ARRDC1: variants seen among roughly 807,000 people sequenced by gnomAD.
ARRDC1 encodes the protein arrestin domain-containing protein 1.
A neutral mutation model predicts 40.1 loss-of-function variants in ARRDC1; 37 were observed. The observed-to-expected ratio is 0.92, with a 90% CI of 0.71 to 1.21. The LOEUF (loss-of-function observed/expected upper bound fraction) is 1.21. Among genes scored for constraint, ARRDC1 ranks in the 50% most tolerant of loss-of-function variants. ARRDC1 has a pLI of 0.00. For synonymous variants in ARRDC1, 310 were observed against 262.5 expected, an observed-to-expected ratio of 1.18 and a Z score of -1.75; for missense variants, 641 against 581.9, an observed-to-expected ratio of 1.10 and a Z score of -1.04.
Position 137,614,630 on chromosome 9 carries a change from C to T in ARRDC1, c.867C>T (p.Ala289=). 1 of 1,612,874 alleles carries T rather than the reference C, an allele frequency of 6.2e-7. No individual in the cohort carries two copies. The highest frequency in any genetic ancestry group is 8.5e-7 in the Non-Finnish European group (1 of 1,179,866). The change falls in exon 7 of 8, where the codon GCC becomes GCT. Residue 289 remains alanine (A), a synonymous_variant. Transcript: ENST00000371421. ...TTGGCAATATTGCTGTGAACCATGC[C>T]CCAGTGAGCCCCCGGCCAGGCCTGG... ...VFIGNIAVNH[A]PVSPRPGLGL...
rs753904708 is a variant in ARRDC1 at position 137,613,000 on chromosome 9, G to C, written c.223G>C (p.Asp75His). ...GYFNSSLSLA[D>H]KGSLPAGEHS... ...CTTCAACAGTTCCCTGTCGCTGGCA[G>C]ACAAGGGTAAGTTTGGGAGCCAGTT... Residue 75 changes from aspartate (D) to histidine (H), a missense_variant, in exon 2 of 8, where the codon GAC becomes CAC. By Grantham distance (81) the Asp-to-His change is moderately conservative. Coordinates refer to ENST00000371421, the MANE Select transcript of ARRDC1 (RefSeq NM_152285.4). The C allele has an allele frequency of 1.1e-5, 17 of 1,613,172 alleles. No individual in the cohort carries two copies. In the Admixed American group the frequency reaches 2.3e-4, roughly 22 times the overall value.
chr9:137,613,018 A>G lies in ARRDC1; in HGVS notation c.229+12A>G. ...GCTGGCAGACAAGGGTAAGTTTGGG[A>G]GCCAGTTCCCGAGTGGTGACCCCTG... On this transcript the variant is annotated intron_variant, in intron 2 of 7. Coordinates refer to ENST00000371421, the MANE Select transcript of ARRDC1 (RefSeq NM_152285.4). 3.7e-6 allele frequency: 6 copies of G among 1,606,182 alleles called. No homozygotes were observed. Among genetic ancestry groups the G allele is most frequent in the Non-Finnish European group, 5.1e-6 (6 of 1,173,710 alleles).
intron 5 of ARRDC1, 42 bp downstream of exon 5, chr9:137,614,256 G>T (rs750105645): frequency 6.3e-7 from 1 of 1,576,934 alleles, no homozygotes; most frequent in South Asian, 1.2e-5. Context: ...CTCCTGGGGT[G>T]GGCTGGCAGC....
intron 4 of ARRDC1, 119 bp downstream of exon 4, chr9:137,613,888 G>T (rs1383680348): frequency 2.6e-6 from 4 of 1,529,582 alleles, no homozygotes; most frequent in East Asian, 4.5e-5. Flanking sequence ...GGGGGGCCAG[G>T]GTCTGGAGGC....
intron 5 of ARRDC1, 41 bp from the exon 6 acceptor site, chr9:137,614,258 G>C: frequency 6.3e-7 from 1 of 1,576,980 alleles, no homozygotes; most frequent in Non-Finnish European, 8.6e-7. Flanking sequence ...CCTGGGGTGG[G>C]CTGGCAGCCT....
rs375807562 is a variant in ARRDC1, at chr9:137,614,458, A to G, written c.778A>G (p.Ile260Val). The G allele has an allele frequency of 2.2e-5, 36 of 1,613,312 alleles. No homozygotes were observed. The highest frequency in any genetic ancestry group is 9.9e-5 in the South Asian group (9 of 91,082). The stretch of plus-strand genomic sequence containing the variant: ...CCTGCCGGGCTGCAGCCTCATCCAC[A>G]TCGACTACTACTTACAGGTTTGGTG... The part of the protein sequence containing the change: ...SALPGCSLIH[I>V]DYYLQVSLKA... The change falls in exon 6 of 8, where the codon ATC (isoleucine) becomes GTC (valine). Residue 260 changes from isoleucine to valine, a missense_variant. Coordinates refer to ENST00000371421, the MANE Select transcript of ARRDC1 (RefSeq NM_152285.4).
rs536564852 is a variant in ARRDC1 at position 137,614,061 on chromosome 9, G to T, written c.465G>T (p.Lys155Asn). 2 of 1,613,824 alleles carry T rather than the reference G, an allele frequency of 1.2e-6. No homozygotes were observed. Among genetic ancestry groups the T allele is most frequent in the South Asian group, 2.2e-5 (2 of 91,078 alleles). ...EQPNVASATKKFSYKLVKTGS... is the reference protein window; with the variant it reads ...EQPNVASATKNFSYKLVKTGS... ...CCAACGTGGCCTCTGCCACCAAGAAGTTCTCCTACAAGCTGGTGAAGACGG... is the reference window on the plus strand; with the variant it reads ...CCAACGTGGCCTCTGCCACCAAGAATTTCTCCTACAAGCTGGTGAAGACGG... Residue 155 changes from lysine (K) to asparagine (N), a missense_variant, in exon 5 of 8, where the codon AAG becomes AAT. Physicochemically the swap from Lys to Asn is moderately conservative, Grantham distance 94. Coordinates refer to ENST00000371421, the MANE Select transcript of ARRDC1 (RefSeq NM_152285.4).
At position 137,614,718 on chromosome 9, in the gene ARRDC1, G is replaced by C. The variant is rs1443185343; in HGVS notation, c.955G>C (p.Ala319Pro). 1 of 1,609,852 alleles carries C rather than the reference G, an allele frequency of 6.2e-7. No individual in the cohort carries two copies. Among genetic ancestry groups the C allele is most frequent in the East Asian group, 2.2e-5 (1 of 44,798 alleles). Residue 319 changes from alanine (A) to proline (P), a missense_variant, in exon 7 of 8, where the codon GCT becomes CCT. By Grantham distance (27) the Ala-to-Pro change is conservative. Transcript: ENST00000371421. ...CGCACCACCCCAGGAGGAGGCTGAG[G>C]CTGAGGCTGCGGCTGGCGGCCCCCA... ...PSAPPQEEAE[A>P]EAAAGGPHFL...
intron 1 of ARRDC1, among the ~76,000 whole-genome samples, chr9:137,606,127 C>G (rs1159939843): frequency 6.6e-6 from 1 of 151,856 alleles, no homozygotes; most frequent in Admixed American, 6.6e-5. Context: ...TGCGACCCTC[C>G]CCGTCCGCGC....
Position 137,612,789 on chromosome 9 carries a change from C to G in ARRDC1, c.119-107C>G, listed in dbSNP as rs1842555993. 6.3e-6 allele frequency: 5 copies of G among 799,554 alleles called. No individual in the cohort carries two copies. The South Asian group carries it at 7.6e-5, about 12-fold the overall frequency. The allele number at this position is 799,554 out of a possible 1,614,324, so 49.5% of individuals were successfully genotyped here. A position where few individuals can be genotyped will look rare whatever the true frequency, so the allele number is the denominator to read the frequency against. On this transcript the variant is annotated intron_variant, in intron 1 of 7. Coordinates refer to ENST00000371421, the MANE Select transcript of ARRDC1 (RefSeq NM_152285.4). ...GCTTGCTCACTGGCCTTCCCAGGAC[C>G]CTGCCCAGGTGGTGCTGCTTGGCCC...
In ARRDC1 at chr9:137,611,771, G is replaced by A. The variant is rs144697017; in HGVS notation, c.119-1125G>A. 5.4e-3 allele frequency: 818 copies of A among 152,614 alleles called. 6 individuals carry two copies. The highest frequency in any genetic ancestry group is 0.041 in the Middle Eastern group (12 of 294). 9.5% of individuals were successfully genotyped at this position (152,614 alleles called of 1,614,324 possible). ...GCAGGATGCATGTGGAGAGCCACGT[G>A]GGGCTGCGGCTGAGCCAAGGATTGT... On this transcript the variant is annotated intron_variant, in intron 1 of 7. Coordinates refer to ENST00000371421, the MANE Select transcript of ARRDC1 (RefSeq NM_152285.4).
rs776274798 is a variant in ARRDC1 at position 137,612,963 on chromosome 9, G to A, written c.186G>A (p.Val62=). Residue 62 remains valine, a synonymous_variant, in exon 2 of 8, where the codon GTG becomes GTA. Coordinates refer to ENST00000371421, the MANE Select transcript of ARRDC1 (RefSeq NM_152285.4). ...SNKANDTAWV[V]EEGYFNSSLS... ...AGGCTAATGACACAGCGTGGGTAGT[G>A]GAGGAGGGTTACTTCAACAGTTCCC... 3.1e-6 allele frequency: 5 copies of A among 1,613,980 alleles called. No homozygotes were observed. The highest frequency in any genetic ancestry group is 1.3e-5 in the African/African-American group (1 of 75,076).
At position 137,605,852 on chromosome 9, in the gene ARRDC1, G is replaced by C. The variant is rs1842413325; in HGVS notation, c.118+17G>C. ...CGTTCCGAGGTGGGCGCGGGTCCTC[G>C]GGGAGGGCCTTTGGCCGCACCTGCG... On this transcript the variant is annotated intron_variant, in intron 1 of 7. Transcript: ENST00000371421. 1 of 1,233,584 alleles carries C rather than the reference G, an allele frequency of 8.1e-7. No homozygotes were observed. The highest frequency in any genetic ancestry group is 1.0e-6 in the Non-Finnish European group (1 of 984,316). 76.4% of individuals were successfully genotyped at this position (1,233,584 alleles called of 1,614,324 possible). A position where few individuals can be genotyped will look rare whatever the true frequency, so the allele number is the denominator to read the frequency against.
At chr9:137,608,052 G>A (rs527787757) in intron 1 of ARRDC1, among the ~76,000 whole-genome samples, 88 of 152,112 alleles carry the variant, frequency 5.8e-4, no homozygotes, top group Middle Eastern at 3.4e-3. Context: ...GCGCGATCTC[G>A]GCTCACTGCA....
intron 1 of ARRDC1, among the ~76,000 whole-genome samples, chr9:137,606,701 C>T (rs1842429389): frequency 6.6e-6 from 1 of 152,202 alleles, no homozygotes; most frequent in Non-Finnish European, 1.5e-5. Context: ...CTGTCAGGCT[C>T]CTGGCCCCAC....
intron 2 of ARRDC1, 57 bp from the exon 3 acceptor site, chr9:137,613,403 G>A (rs1842576944): frequency 6.5e-7 from 1 of 1,550,026 alleles, no homozygotes; most frequent in Admixed American, 1.8e-5. Flanking sequence ...TGGCCCTGTG[G>A]CCACCTCAGG....
Position 137,614,209 on chromosome 9 carries a change from C to A in ARRDC1, c.613C>A (p.Leu205Met). Residue 205 changes from leucine to methionine, a missense_variant, in exon 5 of 8, where the codon CTG becomes ATG. Physicochemically the swap from Leu to Met is conservative, Grantham distance 15. Coordinates refer to ENST00000371421, the MANE Select transcript of ARRDC1 (RefSeq NM_152285.4). ...KDTSPVVASL[L>M]QKVSYKAKRW... is the part of the protein sequence containing the mutation. ...CACCAGCCCTGTGGTGGCCAGTCTGCTGCAGGTCAGAGCCCCCGCCAGTTG... is the reference window on the plus strand; with the variant it reads ...CACCAGCCCTGTGGTGGCCAGTCTGATGCAGGTCAGAGCCCCCGCCAGTTG... 1 of 1,593,388 alleles carries A rather than the reference C, an allele frequency of 6.3e-7. No homozygotes were observed. The highest frequency in any genetic ancestry group is 8.6e-7 in the Non-Finnish European group (1 of 1,166,192).
intron 2 of ARRDC1, 84 bp downstream of exon 2, chr9:137,613,090 C>T (rs1464404581): frequency 3.8e-6 from 4 of 1,042,914 alleles, no homozygotes; most frequent in East Asian, 2.6e-5. Flanking sequence ...CTCCCCCTTT[C>T]CTAGATCTGC....
At position 137,613,799 on chromosome 9, in the gene ARRDC1, G is replaced by T. The variant is rs1172000145; in HGVS notation, c.435+30G>T. On this transcript the variant is annotated intron_variant, in intron 4 of 7. Transcript: ENST00000371421. ...GGATGGCACAGTGACCTCCTTGGTG[G>T]GTCCCCACCCTCATGGAGGCTGGGG... 3 of 1,611,986 alleles carry T rather than the reference G, an allele frequency of 1.9e-6. No homozygotes were observed. In the African/African-American group the frequency reaches 4.0e-5, roughly 22 times the overall value.
Sources: gnomAD v4.1 joint callset for allele counts (sites outside exome capture counted in the v4.1 genomes callset) on GRCh38, gnomAD v4.1.1 for gene constraint, MANE v1.5 for transcripts, NCBI Gene and HGNC (gene_info 2026-07-23, HGNC 2026-07-21) for gene names.